The following WDR47 variants were observed in gnomAD, a reference collection of about 807,000 sequenced individuals.
WDR47 encodes the protein WD repeat domain 47, also known as WD repeat-containing protein 47.
WDR47 carries 32 observed loss-of-function variants against 97.2 expected under a neutral mutation model. The ratio of observed to expected loss-of-function variants is 0.33; its 90% CI spans 0.25 to 0.44. The LOEUF is 0.44. WDR47 is among the 20% of genes least tolerant of loss of function. The pLI is 1.00. For missense variants in WDR47, 782 were observed against 1,102.3 expected (o/e 0.71, Z 4.11); for synonymous variants, 375 against 373.5 (o/e 1.00, Z -0.05).
intron 13 of WDR47, among the ~76,000 whole-genome samples, chr1:108,976,442 C>T (rs927693128): frequency 2.0e-5 from 3 of 151,008 alleles, no homozygotes; most frequent in African/African-American, 4.9e-5. Context: ...TAGTTTTACA[C>T]GTACAAAGTT....
intron 13 of WDR47, among the ~76,000 whole-genome samples, chr1:108,980,294 T>G (rs1658241658): frequency 6.6e-6 from 1 of 152,064 alleles, no homozygotes; most frequent in African/African-American, 2.4e-5. Flanking sequence ...TCATATCTGG[T>G]TTGAATCAAA....
chr1:108,992,820 T>G (rs564892322), intron 8 of WDR47: 2 of 1,557,958 alleles, frequency 1.3e-6, no homozygotes, highest in East Asian at 4.5e-5. Flanking sequence ...AAACAAAAAC[T>G]TATGGCACGG....
At position 108,982,701 on chromosome 1, in the gene WDR47, G is replaced by A; in HGVS notation, c.2174C>T (p.Ala725Val). Residue 725 changes from alanine (A) to valine (V), a missense_variant, in exon 12 of 15, where the codon GCT becomes GTT. Transcript: ENST00000369962. ...CCCTGCTCCAGCACTTATTAAAATAGCTCCTCCGCTTTCTGGGCCTTCCAT... is the reference window on the plus strand; with the variant it reads ...CCCTGCTCCAGCACTTATTAAAATAACTCCTCCGCTTTCTGGGCCTTCCAT... The part of the protein sequence containing the change: ...AFMEGPESGG[A>V]ILISAGAGDC... 6.2e-7 allele frequency: 1 copy of A among 1,613,914 alleles called. No individual in the cohort carries two copies. The highest frequency in any genetic ancestry group is 8.5e-7 in the Non-Finnish European group (1 of 1,180,006).
intron 13 of WDR47, 62 bp downstream of exon 13, chr1:108,981,671 A>T (rs2101813531): frequency 4.0e-6 from 6 of 1,500,896 alleles, no homozygotes; most frequent in Non-Finnish European, 5.4e-6. Flanking sequence ...AGGGGAGAAG[A>T]AGTAGACTAG....
intron 14 of WDR47, among the ~76,000 whole-genome samples, chr1:108,974,254 C>T (rs949134498): frequency 2.0e-5 from 3 of 152,112 alleles, no homozygotes; most frequent in African/African-American, 4.8e-5. Context: ...CTTTGGGAGA[C>T]GAAGGCGGAT....
chr1:108,991,396 C>G (rs770031632), intron 8 of WDR47, 67 bp from the exon 9 acceptor site: 6 of 1,389,044 alleles, frequency 4.3e-6, no homozygotes, highest in African/African-American at 1.4e-5. Context: ...TTAATTTACC[C>G]TTTCAAACAC....
intron 5 of WDR47, among the ~76,000 whole-genome samples, chr1:109,006,480 A>G (rs1442554263): frequency 6.6e-6 from 1 of 152,194 alleles, no homozygotes; most frequent in Non-Finnish European, 1.5e-5. Flanking sequence ...TATGTCCACA[A>G]AGAAGAATTT....
At chr1:108,984,622 G>A (rs1356375747) in intron 10 of WDR47, among the ~76,000 whole-genome samples, 2 of 152,190 alleles carry the variant, frequency 1.3e-5, no homozygotes, top group African/African-American at 4.8e-5. Flanking sequence ...GCTCAGGCCT[G>A]TAATCCCAGC....
Position 108,979,522 on chromosome 1 carries a change from C to T in WDR47, c.2398+2211G>A, listed in dbSNP as rs116727145. Among the ~76,000 whole-genome samples the T allele has an allele frequency of 8.5e-3, 1,219 of 144,114 alleles. 22 individuals carry two copies. The highest frequency in any genetic ancestry group is 8.2e-3 in the Non-Finnish European group (539 of 65,410). 94.5% of individuals were successfully genotyped at this position (144,114 alleles called of 152,430 possible). A position where few individuals can be genotyped will look rare whatever the true frequency, so the allele number is the denominator to read the frequency against. On this transcript the variant is annotated intron_variant, in intron 13 of 14. Transcript: ENST00000369962. ...ACTAGGTGACAGAACAAGACCCTGTCTCAGAACAAAACAAAACAAAAAAAC... is the reference window on the plus strand; with the variant it reads ...ACTAGGTGACAGAACAAGACCCTGTTTCAGAACAAAACAAAACAAAAAAAC...
At chr1:109,000,240 G>A (rs1188334025) in intron 7 of WDR47, among the ~76,000 whole-genome samples, 6 of 152,018 alleles carry the variant, frequency 3.9e-5, no homozygotes, top group Non-Finnish European at 8.8e-5. Context: ...GGCAGGCGCA[G>A]TGGCTTACAC....
intron 13 of WDR47, among the ~76,000 whole-genome samples, chr1:108,981,153 G>C (rs545915069): frequency 6.6e-6 from 1 of 151,940 alleles, no homozygotes; most frequent in Non-Finnish European, 1.5e-5. Flanking sequence ...CAAAGAGGTG[G>C]TACAATGCAA....
intron 7 of WDR47, among the ~76,000 whole-genome samples, chr1:109,000,306 C>T (rs565446654): frequency 3.3e-5 from 5 of 150,362 alleles, no homozygotes; most frequent in South Asian, 4.2e-4. Context: ...GTCAGGAGAT[C>T]GAGACCAGCC....
Position 108,975,679 on chromosome 1 carries a change from T to TA in WDR47, c.2399-926dup, listed in dbSNP as rs200500804. Among the ~76,000 whole-genome samples, 1,383 of 141,008 alleles carry TA rather than the reference T, an allele frequency of 9.8e-3. 25 individuals carry two copies. Among genetic ancestry groups the TA allele is most frequent in the African/African-American group, 0.033 (1,287 of 38,600 alleles). The allele number at this position is 141,008 out of a possible 152,430, so 92.5% of individuals were successfully genotyped here. A position where few individuals can be genotyped will look rare whatever the true frequency, so the allele number is the denominator to read the frequency against. ...GAGACCCTGTCTCAAAAAAATAAAT[T>TA]AAAAAAAAAAAAGTTTGAATAACAC... On this transcript the variant is annotated intron_variant, in intron 13 of 14. Coordinates refer to ENST00000369962, the MANE Select transcript of WDR47 (RefSeq NM_001142551.2).
chr1:108,989,053 A>G (rs1659101402), intron 9 of WDR47, among the ~76,000 whole-genome samples: 2 of 152,112 alleles, frequency 1.3e-5, no homozygotes, highest in Non-Finnish European at 2.9e-5. Flanking sequence ...CACCACGCCT[A>G]GCCTCATTTT....
At chr1:109,006,831 T>A (rs1660659957) in intron 5 of WDR47, among the ~76,000 whole-genome samples, 1 of 152,210 alleles carries the variant, frequency 6.6e-6, no homozygotes, top group Non-Finnish European at 1.5e-5. Context: ...TGGAAAGATA[T>A]CCTTTTAAAA....
intron 1 of WDR47, among the ~76,000 whole-genome samples, chr1:109,028,604 A>G (rs969491539): frequency 1.3e-5 from 2 of 151,240 alleles, no homozygotes; most frequent in African/African-American, 4.9e-5. Context: ...AGCATGTGCC[A>G]ACACGCCCAG....
chr1:109,027,546 T>A (rs1662295258), intron 1 of WDR47, among the ~76,000 whole-genome samples: 1 of 151,780 alleles, frequency 6.6e-6, no homozygotes, highest in Non-Finnish European at 1.5e-5. Context: ...TTCCCCCAGA[T>A]GGAGTCTTGC....
intron 7 of WDR47, among the ~76,000 whole-genome samples, chr1:108,998,679 A>G (rs187126514): frequency 8.5e-5 from 13 of 152,298 alleles, no homozygotes; most frequent in African/African-American, 3.1e-4. Flanking sequence ...TAAAATTCCT[A>G]TCATGCTATA....
intron 1 of WDR47, chr1:109,030,360 A>G: frequency 1.8e-6 from 1 of 561,032 alleles, no homozygotes. Flanking sequence ...CATCTCAATA[A>G]GCACATTTTT....
Sources: allele counts gnomAD v4.1 joint callset (sites outside exome capture counted in the v4.1 genomes callset), GRCh38; gene constraint gnomAD v4.1.1; transcripts MANE v1.5; gene names NCBI Gene and HGNC (gene_info 2026-07-23, HGNC 2026-07-21).